The following ARFGEF1 variants were observed in gnomAD, a reference collection of about 807,000 sequenced individuals.
ARFGEF1 encodes the protein ARF guanine nucleotide exchange factor 1, also known as brefeldin A-inhibited guanine nucleotide-exchange protein 1.
In ARFGEF1, 42 loss-of-function variants were observed where a neutral mutation model predicts 231.0. The ratio of observed to expected loss-of-function variants is 0.18; its 90% CI spans 0.14 to 0.24. The LOEUF (loss-of-function observed/expected upper bound fraction) is 0.24, where lower values mean the gene tolerates loss of function less well. Among genes scored for constraint, ARFGEF1 ranks in the 10% least tolerant of loss-of-function variants. The probability of loss-of-function intolerance (pLI) is 1.00; values close to 1 mark genes in which losing one functional copy is unlikely to be tolerated. For missense variants in ARFGEF1, 1,345 were observed against 2,192.0 expected (o/e 0.61, Z 7.72); for synonymous variants, 710 against 732.3 (o/e 0.97, Z 0.49).
Position 67,291,855 on chromosome 8 carries a change from G to T in ARFGEF1, c.908C>A (p.Ala303Glu). 1 of 1,612,950 alleles carries T rather than the reference G, an allele frequency of 6.2e-7. No individual in the cohort carries two copies. The highest frequency in any genetic ancestry group is 8.5e-7 in the Non-Finnish European group (1 of 1,179,200). Residue 303 changes from alanine to glutamate, a missense_variant, in exon 6 of 39, where the codon GCA becomes GAA. Coordinates refer to ENST00000262215, the MANE Select transcript of ARFGEF1 (RefSeq NM_006421.5). ...NEQTEADQAT[A>E]AETLSKNEVL... is the part of the protein sequence containing the mutation. ...CTTTTCAAGAAGATTACTTTCAGCT[G>T]CAGTTGCCTGATCAGCTTCAGTCTG...
chr8:67,205,256 T>TAG (rs1383075340), intron 34 of ARFGEF1, among the ~76,000 whole-genome samples: 5 of 152,158 alleles, frequency 3.3e-5, no homozygotes, highest in Non-Finnish European at 7.3e-5. Context: ...CTTTGGGCAA[T>TAG]TGTCTGCCTC....
chr8:67,278,904 T>C (rs1805419825), intron 7 of ARFGEF1, among the ~76,000 whole-genome samples: 2 of 152,300 alleles, frequency 1.3e-5, no homozygotes, highest in Admixed American at 6.5e-5. Context: ...AGAGGACTTT[T>C]GGAGCTTCAA....
intron 22 of ARFGEF1, among the ~76,000 whole-genome samples, chr8:67,234,618 G>C (rs956095783): frequency 6.6e-6 from 1 of 152,110 alleles, no homozygotes; most frequent in African/African-American, 2.4e-5. Context: ...AGCAGTAGGA[G>C]ATAAAGCTGA....
At chr8:67,217,615 T>C (rs988134897) in intron 32 of ARFGEF1, among the ~76,000 whole-genome samples, 167 bp downstream of exon 32, 2 of 152,238 alleles carry the variant, frequency 1.3e-5, no homozygotes, top group Admixed American at 6.5e-5. Flanking sequence ...TTATAGTTTA[T>C]AGCAGTTTGG....
At chr8:67,328,412 A>G (rs1279188213) in intron 1 of ARFGEF1, among the ~76,000 whole-genome samples, 2 of 152,208 alleles carry the variant, frequency 1.3e-5, no homozygotes, top group Non-Finnish European at 2.9e-5. Context: ...TCTTCCTAGA[A>G]TATAGCAGTT....
At chr8:67,328,680 T>G (rs1434889995) in intron 1 of ARFGEF1, among the ~76,000 whole-genome samples, 1 of 152,190 alleles carries the variant, frequency 6.6e-6, no homozygotes, top group Non-Finnish European at 1.5e-5. Context: ...TTCTGCAACA[T>G]AGTGGTCATT....
At chr8:67,189,261 C>A (rs1187287511) in intron 5 of ARFGEF1, among the ~76,000 whole-genome samples, 1 of 152,172 alleles carries the variant, frequency 6.6e-6, no homozygotes, top group Non-Finnish European at 1.5e-5. Context: ...GTATACACTC[C>A]TTGGTATTTG....
intron 29 of ARFGEF1, 76 bp downstream of exon 29, chr8:67,224,827 T>G (rs1839317924): frequency 9.7e-7 from 1 of 1,032,710 alleles, no homozygotes; most frequent in African/African-American, 1.6e-5. Flanking sequence ...ACTGTGAGAT[T>G]GTGTTTATAA....
chr8:67,321,969 T>G (rs538763059), intron 1 of ARFGEF1, among the ~76,000 whole-genome samples: 2 of 152,258 alleles, frequency 1.3e-5, no homozygotes, highest in South Asian at 4.1e-4. Context: ...CACTCTCATC[T>G]CTCTGCATGC....
chr8:67,336,974 C>CA (rs1257508250), intron 1 of ARFGEF1, among the ~76,000 whole-genome samples: 6 of 151,440 alleles, frequency 4.0e-5, no homozygotes, highest in African/African-American at 7.3e-5. Context: ...AATAAAAATA[C>CA]AAAAAAAATC....
intron 36 of ARFGEF1, among the ~76,000 whole-genome samples, chr8:67,202,754 T>C (rs1489156069): frequency 6.6e-6 from 1 of 152,200 alleles, no homozygotes; most frequent in Non-Finnish European, 1.5e-5. Flanking sequence ...TGTGTGCGAC[T>C]TTTACACATA....
Position 67,201,553 on chromosome 8 carries a change from C to G in ARFGEF1, c.5181G>C (p.Leu1727=). 6.2e-7 allele frequency: 1 copy of G among 1,613,662 alleles called. No homozygotes were observed. Among genetic ancestry groups the G allele is most frequent in the South Asian group, 1.1e-5 (1 of 90,988 alleles). ...PNLLKQETSS[L]ACGLRILFRM... is the part of the protein sequence containing the mutation. ...GGAAGAGAATGCGCAGCCCACAGGC[C>G]AGGCTGCTGGTCTCCTGCTTCAGAA... The change falls in exon 37 of 39, where the codon CTG becomes CTC. Residue 1727 remains leucine (L), a synonymous_variant. Coordinates refer to ENST00000262215, the MANE Select transcript of ARFGEF1 (RefSeq NM_006421.5).
intron 17 of ARFGEF1, among the ~76,000 whole-genome samples, chr8:67,257,099 A>G (rs1434669334): frequency 5.3e-5 from 8 of 151,254 alleles, no homozygotes; most frequent in Admixed American, 5.3e-4. Context: ...TTTTTTTGAG[A>G]CGGGGTCTGC....
chr8:67,187,973 T>C (rs984106401), intron 5 of ARFGEF1, among the ~76,000 whole-genome samples: 3 of 152,210 alleles, frequency 2.0e-5, no homozygotes, highest in African/African-American at 7.2e-5. Context: ...GGTATGGTGA[T>C]GACTTTTAGA....
intron 25 of ARFGEF1, 126 bp downstream of exon 25, chr8:67,227,837 T>C (rs1321319011): frequency 2.2e-6 from 2 of 902,600 alleles, no homozygotes; most frequent in Non-Finnish European, 3.1e-6. Flanking sequence ...CACAGGGTTT[T>C]CTAATTTAAT....
intron 1 of ARFGEF1, among the ~76,000 whole-genome samples, chr8:67,312,141 C>T (rs278923): frequency 1.3e-5 from 2 of 151,858 alleles, no homozygotes; most frequent in African/African-American, 4.8e-5. Context: ...CCAGAGACCT[C>T]TGTTCACTTG....
At chr8:67,270,879 C>G (rs985323538) in intron 10 of ARFGEF1, among the ~76,000 whole-genome samples, 1 of 151,324 alleles carries the variant, frequency 6.6e-6, no homozygotes, top group Non-Finnish European at 1.5e-5. Flanking sequence ...ACAAAATTAG[C>G]CAGGCGTGGT....
At chr8:67,173,529 CTGTT>C (rs1257070360), downstream of ARFGEF1, 1 of 152,078 alleles carries the variant, frequency 6.6e-6, no homozygotes, top group Non-Finnish European at 1.5e-5. Flanking sequence ...AAAATACTAT[CTGTT>C]TATTATAGCA....
intron 8 of ARFGEF1, 67 bp downstream of exon 8, chr8:67,277,215 G>A (rs1805350287): frequency 2.7e-6 from 4 of 1,481,178 alleles, no homozygotes; most frequent in Non-Finnish European, 3.7e-6. Flanking sequence ...TCATGACAAG[G>A]TGGTGGTAGC....
Sources: allele counts gnomAD v4.1 joint callset (sites outside exome capture counted in the v4.1 genomes callset), GRCh38; gene constraint gnomAD v4.1.1; transcripts MANE v1.5; gene names NCBI Gene and HGNC (gene_info 2026-07-23, HGNC 2026-07-21).